Variants in MYPN observed in about 807,000 individuals in gnomAD.
MYPN encodes myopalladin.
A neutral mutation model predicts 129.4 loss-of-function variants in MYPN; 63 were observed. That is an observed-to-expected ratio of 0.49 (90% CI 0.40 to 0.60). The LOEUF (loss-of-function observed/expected upper bound fraction) is 0.60. Ranked by LOEUF, MYPN falls within the 20% of genes least tolerant of loss-of-function variation. The probability of loss-of-function intolerance (pLI) is 0.00; values close to 1 mark genes in which losing one functional copy is unlikely to be tolerated. For synonymous variants in MYPN, 629 were observed against 600.9 expected (o/e 1.05, Z -0.68); for missense variants, 1,596 against 1,635.4 (o/e 0.98, Z 0.42).
Position 68,162,943 on chromosome 10 carries a change from G to C in MYPN, c.1483+1191G>C, listed in dbSNP as rs114860805. 2.6e-3 allele frequency among the ~76,000 whole-genome samples: 395 copies of C among 152,314 alleles called. 2 individuals carry two copies. Among genetic ancestry groups the C allele is most frequent in the African/African-American group, 8.7e-3 (363 of 41,556 alleles). On this transcript the variant is annotated intron_variant, in intron 8 of 19. Coordinates refer to ENST00000358913, the MANE Select transcript of MYPN (RefSeq NM_032578.4). The stretch of plus-strand genomic sequence containing the variant: ...GTTCTCATGCTGATCTCGATCCTCT[G>C]TGGGGGTCTTCAAACTAGTTGCTGG...
chr10:68,142,283 C>A (rs938203164), intron 2 of MYPN, among the ~76,000 whole-genome samples: 36 of 152,266 alleles, frequency 2.4e-4, no homozygotes, highest in African/African-American at 7.7e-4. Context: ...ACATTTTAAA[C>A]ATTATTTTAT....
intron 6 of MYPN, 163 bp from the exon 7 acceptor site, chr10:68,158,323 A>C (rs2042915801): frequency 1.5e-6 from 1 of 679,998 alleles, no homozygotes; most frequent in Admixed American, 2.7e-5. Context: ...TCTCAAAACT[A>C]CTTTTGAATG....
At chr10:68,204,497 G>A (rs2043777904) in intron 18 of MYPN, among the ~76,000 whole-genome samples, 1 of 152,160 alleles carries the variant, frequency 6.6e-6, no homozygotes. Flanking sequence ...CAAGGCAGGT[G>A]GATCACCTTT....
Position 68,165,567 on chromosome 10 carries a change from G to T in MYPN, c.1484-135G>T, listed in dbSNP as rs1253370093. 15 of 749,552 alleles carry T rather than the reference G, an allele frequency of 2.0e-5. 1 individual carries two copies. Among genetic ancestry groups the T allele is most frequent in the Admixed American group, 1.8e-4 (9 of 50,572 alleles). 46.4% of individuals were successfully genotyped at this position (749,552 alleles called of 1,614,324 possible). On this transcript the variant is annotated intron_variant, in intron 8 of 19. Coordinates refer to ENST00000358913, the MANE Select transcript of MYPN (RefSeq NM_032578.4). ...GTCAATTCAATCAAACAATTGTTTT[G>T]ACCAATTGTTTTCAAAGAATTAATA...
chr10:68,123,963 G>A lies in MYPN; in HGVS notation c.902+1623G>A, dbSNP rs60781200. ...GTCAATTTAAAGATTCATTATACAT[G>A]TATTAAATGTATTATACACTTTCCA... On this transcript the variant is annotated intron_variant, in intron 2 of 19. Transcript: ENST00000358913. 5.7e-3 allele frequency among the ~76,000 whole-genome samples: 875 copies of A among 152,248 alleles called. 9 individuals are homozygous for A. The highest frequency in any genetic ancestry group is 0.02 in the African/African-American group (841 of 41,540).
intron 6 of MYPN, 122 bp from the exon 7 acceptor site, chr10:68,158,364 G>A: frequency 1.1e-6 from 1 of 915,358 alleles, no homozygotes; most frequent in Non-Finnish European, 1.7e-6. Flanking sequence ...TGCTAGAGAT[G>A]TAGATGCTTT....
chr10:68,118,363 A>G (rs2042187937), intron 1 of MYPN, among the ~76,000 whole-genome samples: 1 of 152,188 alleles, frequency 6.6e-6, no homozygotes, highest in Admixed American at 6.5e-5. Context: ...TTCATGTTTT[A>G]CAGATGAAGA....
At chr10:68,141,019 A>G (rs10997943) in intron 2 of MYPN, among the ~76,000 whole-genome samples, 77,214 of 151,778 alleles carry the variant, frequency 0.51, 20,151 homozygotes, top group East Asian at 0.58. Context: ...GCTGGAGTGA[A>G]CCATGATCAT....
intron 1 of MYPN, among the ~76,000 whole-genome samples, chr10:68,089,883 TTAA>T (rs2041923213): frequency 8.5e-5 from 13 of 152,182 alleles, no homozygotes; most frequent in Admixed American, 8.5e-4. Flanking sequence ...TAATTTTCAC[TTAA>T]TGATAATCTT....
intron 1 of MYPN, among the ~76,000 whole-genome samples, chr10:68,089,268 G>T (rs572988008): frequency 6.6e-6 from 1 of 152,246 alleles, no homozygotes; most frequent in African/African-American, 2.4e-5. Flanking sequence ...CTGGCCTCAA[G>T]TGATCCACCC....
chr10:68,206,358 A>T (rs77338911), intron 18 of MYPN, among the ~76,000 whole-genome samples: 5,757 of 152,230 alleles, frequency 0.038, 376 homozygotes, highest in African/African-American at 0.13. Flanking sequence ...AGCTGGTTAC[A>T]TTAGGAAATG....
At chr10:68,196,995 G>A (rs147556740) in intron 15 of MYPN, among the ~76,000 whole-genome samples, 3 of 152,276 alleles carry the variant, frequency 2.0e-5, no homozygotes, top group African/African-American at 4.8e-5. Flanking sequence ...TTTGGCTCTC[G>A]TTTGAGGTTC....
chr10:68,173,804 A>G (rs1169388035), intron 10 of MYPN, among the ~76,000 whole-genome samples: 1 of 149,302 alleles, frequency 6.7e-6, no homozygotes, highest in African/African-American at 2.5e-5. Context: ...GTGCACCACC[A>G]TGTCTGGCTA....
At chr10:68,145,394 T>G in intron 3 of MYPN, 81 bp from the exon 4 acceptor site, 1 of 1,143,416 alleles carries the variant, frequency 8.7e-7, no homozygotes, top group South Asian at 1.2e-5. Flanking sequence ...AGTATCATCT[T>G]AAAAATCTTA....
intron 2 of MYPN, among the ~76,000 whole-genome samples, chr10:68,124,249 G>T (rs17456902): frequency 6.6e-6 from 1 of 152,066 alleles, no homozygotes; most frequent in Non-Finnish European, 1.5e-5. Flanking sequence ...TTTTATAATG[G>T]AATAACATGT....
At chr10:68,089,477 G>C (rs2041921187) in intron 1 of MYPN, among the ~76,000 whole-genome samples, 1 of 152,066 alleles carries the variant, frequency 6.6e-6, no homozygotes, top group African/African-American at 2.4e-5. Context: ...GAGTAGCTGG[G>C]ACTACAGGTG....
rs765506186 is a variant in MYPN at position 68,211,256 on chromosome 10, C to T, written c.*801C>T. The T allele has an allele frequency of 1.1e-5, 5 of 454,064 alleles. No homozygotes were observed. The highest frequency in any genetic ancestry group is 2.2e-5 in the Non-Finnish European group (5 of 226,788). 28.1% of individuals were successfully genotyped at this position (454,064 alleles called of 1,614,324 possible). On this transcript the variant is annotated 3_prime_UTR_variant, in exon 20 of 20. Coordinates refer to ENST00000358913, the MANE Select transcript of MYPN (RefSeq NM_032578.4). ...ATCAGAAAGAAATCCTCTGTGGGGT[C>T]ACTTTAAAAACTACTAGCTTCAACT...
chr10:68,133,556 T>C (rs2042442486), intron 2 of MYPN, among the ~76,000 whole-genome samples: 1 of 151,950 alleles, frequency 6.6e-6, no homozygotes, highest in Non-Finnish European at 1.5e-5. Context: ...AGGTGGAACT[T>C]GATTGATAAG....
In MYPN at chr10:68,122,314, G is replaced by A. The variant is rs531434006; in HGVS notation, c.876G>A (p.Val292=). 1.2e-6 allele frequency: 2 copies of A among 1,613,754 alleles called. No individual in the cohort carries two copies. Among genetic ancestry groups the A allele is most frequent in the African/African-American group, 2.7e-5 (2 of 75,030 alleles). ...EGTRVQLDCI[V]VGIPPPQVRW... is the part of the protein sequence containing the mutation. Reference sequence around the variant, plus strand: ...CTCGAGTACAGTTGGATTGCATAGTGGTAGGAATTCCACCACCTCAAGTAA... The same window carrying A: ...CTCGAGTACAGTTGGATTGCATAGTAGTAGGAATTCCACCACCTCAAGTAA... The change falls in exon 2 of 20, where the codon GTG becomes GTA. Residue 292 remains valine, a synonymous_variant. Coordinates refer to ENST00000358913, the MANE Select transcript of MYPN (RefSeq NM_032578.4).
Sources: allele counts gnomAD v4.1 joint callset (sites outside exome capture counted in the v4.1 genomes callset), GRCh38; gene constraint gnomAD v4.1.1; transcripts MANE v1.5; gene names NCBI Gene and HGNC (gene_info 2026-07-23, HGNC 2026-07-21).